The following DGKE variants were observed in gnomAD, a reference collection of about 807,000 sequenced individuals.
The protein encoded by DGKE is diacylglycerol kinase epsilon, also known as DAG kinase epsilon.
A neutral mutation model predicts 70.0 loss-of-function variants in DGKE; 53 were observed. The observed-to-expected ratio is 0.76, with a 90% CI of 0.61 to 0.95. DGKE has a LOEUF of 0.95. DGKE is among the 40% of genes least tolerant of loss of function. The pLI, the probability that DGKE is intolerant of heterozygous loss-of-function variation, is 0.00. For missense variants in DGKE, 655 were observed against 706.9 expected, an observed-to-expected ratio of 0.93 and a Z score of 0.83; for synonymous variants, 291 against 257.0, an observed-to-expected ratio of 1.13 and a Z score of -1.27.
intron 2 of DGKE, among the ~76,000 whole-genome samples, chr17:56,841,230 C>A (rs905649630): frequency 5.3e-5 from 7 of 133,248 alleles, no homozygotes; most frequent in African/African-American, 1.7e-4. Context: ...CAAGCCTAGG[C>A]GACAGAGTGA....
At chr17:56,854,320 GT>G (rs149654085) in intron 7 of DGKE, among the ~76,000 whole-genome samples, 1 of 151,214 alleles carries the variant, frequency 6.6e-6, no homozygotes, top group South Asian at 2.1e-4. Context: ...TTTGTTTTTT[GT>G]TTTTTTTGTG....
chr17:56,862,488 C>G (rs1908355217), intron 11 of DGKE, 124 bp from the exon 12 acceptor site: 1 of 960,124 alleles, frequency 1.0e-6, no homozygotes, highest in South Asian at 2.0e-5. Context: ...AAAACATATT[C>G]AGATTAATAT....
At position 56,834,660 on chromosome 17, in the gene DGKE, C is replaced by T. The variant is rs1906447565; in HGVS notation, c.-18-118C>T. On this transcript the variant is annotated intron_variant, in intron 1 of 11. Coordinates refer to ENST00000284061, the MANE Select transcript of DGKE (RefSeq NM_003647.3). ...ACGGGGGGACGAGGCGCAGTCCCGC[C>T]CTCGGGAGAGCGGAGCCACCTTCAC... The T allele has an allele frequency of 4.2e-6, 4 of 951,566 alleles. No individual in the cohort carries two copies. The East Asian group carries it at 9.7e-5, about 23-fold the overall frequency. 58.9% of individuals were successfully genotyped at this position (951,566 alleles called of 1,614,324 possible).
intron 7 of DGKE, among the ~76,000 whole-genome samples, chr17:56,855,412 T>A (rs1907885407): frequency 6.6e-6 from 1 of 152,108 alleles, no homozygotes; most frequent in African/African-American, 2.4e-5. Context: ...GCATGAGAAT[T>A]CATACCTTTC....
intron 2 of DGKE, 59 bp from the exon 3 acceptor site, chr17:56,843,960 G>GAAA: frequency 7.0e-7 from 1 of 1,436,018 alleles, no homozygotes; most frequent in South Asian, 1.4e-5. Flanking sequence ...ATTGTTTTGT[G>GAAA]GGTTATCATT....
chr17:56,840,821 G>A (rs1906933040), intron 2 of DGKE, among the ~76,000 whole-genome samples: 1 of 152,168 alleles, frequency 6.6e-6, no homozygotes, highest in Non-Finnish European at 1.5e-5. Context: ...TGAATATCTA[G>A]GAGATGGTAA....
intron 2 of DGKE, among the ~76,000 whole-genome samples, chr17:56,841,941 C>G (rs1285307768): frequency 6.6e-6 from 1 of 152,090 alleles, no homozygotes; most frequent in African/African-American, 2.4e-5. Flanking sequence ...ACTACAGGCA[C>G]ACGTTACCAC....
At chr17:56,838,874 A>T (rs1906795062) in intron 2 of DGKE, 1 of 152,188 alleles carries the variant, frequency 6.6e-6, no homozygotes, top group Non-Finnish European at 1.5e-5. Context: ...CATGAAAAGG[A>T]AAAAACATCA....
At position 56,861,927 on chromosome 17, in the gene DGKE, A is replaced by T; in HGVS notation, c.1412+9A>T. ...ACTTACCCTCTAGCCAGGTATGTACATTTGTGGTCTGTTTTTTTATGTCAC... is the reference window on the plus strand; with the variant it reads ...ACTTACCCTCTAGCCAGGTATGTACTTTTGTGGTCTGTTTTTTTATGTCAC... On this transcript the variant is annotated intron_variant, in intron 10 of 11. Transcript: ENST00000284061. 1.9e-6 allele frequency: 3 copies of T among 1,580,480 alleles called. No individual in the cohort carries two copies. The highest frequency in any genetic ancestry group is 2.6e-6 in the Non-Finnish European group (3 of 1,168,814).
rs190934198 is a variant in DGKE at position 56,849,303 on chromosome 17, A to T, written c.1098+71A>T. The T allele has an allele frequency of 9.1e-4, 1,253 of 1,378,414 alleles. 4 individuals carry two copies. Among genetic ancestry groups the T allele is most frequent in the Non-Finnish European group, 1.2e-3 (1,185 of 989,970 alleles). The allele number at this position is 1,378,414 out of a possible 1,614,324, so 85.4% of individuals were successfully genotyped here. ...ACAAGATACGGCACTCTGTGGTGGGATACAGAGACCTGGTGCTTATCTCAA... is the reference window on the plus strand; with the variant it reads ...ACAAGATACGGCACTCTGTGGTGGGTTACAGAGACCTGGTGCTTATCTCAA... On this transcript the variant is annotated intron_variant, in intron 7 of 11. Coordinates refer to ENST00000284061, the MANE Select transcript of DGKE (RefSeq NM_003647.3).
At chr17:56,846,027 A>G in intron 4 of DGKE, 1 of 345,980 alleles carries the variant, frequency 2.9e-6, no homozygotes, top group Non-Finnish European at 5.0e-6. Context: ...AAAAAGATAA[A>G]TATAAATTTA....
At chr17:56,858,867 T>C (rs1908113206) in intron 9 of DGKE, among the ~76,000 whole-genome samples, 1 of 152,236 alleles carries the variant, frequency 6.6e-6, no homozygotes, top group Non-Finnish European at 1.5e-5. Context: ...GTATGTATTA[T>C]ATATTCACAT....
In DGKE at chr17:56,869,030, A is replaced by G. The variant is rs1908643269; in HGVS notation, c.*6239A>G. On this transcript the variant is annotated 3_prime_UTR_variant, in exon 12 of 12. Coordinates refer to ENST00000284061, the MANE Select transcript of DGKE (RefSeq NM_003647.3). ...ATACCTGAATGGAAACCCAGCCTCT[A>G]CTACTGTAACTTAACACTTGTTCTT... is the stretch of plus-strand genomic sequence containing the variant. The G allele has an allele frequency of 1.6e-5, 2 of 125,498 alleles. No homozygotes were observed. 7.8% of individuals were successfully genotyped at this position (125,498 alleles called of 1,614,324 possible).
intron 2 of DGKE, chr17:56,838,740 A>G (rs1906785739): frequency 1.3e-5 from 2 of 152,106 alleles, no homozygotes; most frequent in African/African-American, 4.8e-5. Context: ...GAGGCATTCC[A>G]TATTTTCATA....
intron 2 of DGKE, among the ~76,000 whole-genome samples, chr17:56,841,209 C>T (rs1419531038): frequency 6.7e-6 from 1 of 148,662 alleles, no homozygotes; most frequent in East Asian, 2.0e-4. Context: ...CGAGATTGCA[C>T]CACTGCACTC....
At chr17:56,858,565 A>G (rs1454247983) in intron 8 of DGKE, 29 bp from the exon 9 acceptor site, 3 of 1,553,384 alleles carry the variant, frequency 1.9e-6, no homozygotes, top group Admixed American at 3.8e-5. Flanking sequence ...GATTGTTTTA[A>G]TATTATATTT....
chr17:56,869,051 T>A lies in DGKE; in HGVS notation c.*6260T>A, dbSNP rs371999629. On this transcript the variant is annotated 3_prime_UTR_variant, in exon 12 of 12. Coordinates refer to ENST00000284061, the MANE Select transcript of DGKE (RefSeq NM_003647.3). The stretch of plus-strand genomic sequence containing the variant: ...CTCTACTACTGTAACTTAACACTTG[T>A]TCTTCCTGAGCCTCAAATTTTCTTT... 1.7e-5 allele frequency: 1 copy of A among 60,496 alleles called. No individual in the cohort carries two copies. Among genetic ancestry groups the A allele is most frequent in the South Asian group, 4.1e-4 (1 of 2,410 alleles). 3.7% of individuals were successfully genotyped at this position (60,496 alleles called of 1,614,324 possible).
chr17:56,843,867 C>A, intron 2 of DGKE, 152 bp from the exon 3 acceptor site: 1 of 570,798 alleles, frequency 1.8e-6, no homozygotes, highest in Non-Finnish European at 2.8e-6. Context: ...CTCCATTTCA[C>A]TGTGCAGATA....
At chr17:56,842,242 T>G (rs767168678) in intron 2 of DGKE, among the ~76,000 whole-genome samples, 4 of 152,202 alleles carry the variant, frequency 2.6e-5, no homozygotes, top group Non-Finnish European at 5.9e-5. Flanking sequence ...ATTTTTAAAT[T>G]TTTATAAGCT....
Sources: gnomAD v4.1 joint callset for allele counts (sites outside exome capture counted in the v4.1 genomes callset) on GRCh38, gnomAD v4.1.1 for gene constraint, MANE v1.5 for transcripts, NCBI Gene and HGNC (gene_info 2026-07-23, HGNC 2026-07-21) for gene names.